Variants in TESK2 observed in about 807,000 individuals in gnomAD.
TESK2 encodes testis associated actin remodelling kinase 2, also known as dual specificity testis-specific protein kinase 2.
In TESK2, 39 loss-of-function variants were observed where a neutral mutation model predicts 57.1. That is an observed-to-expected ratio of 0.68 (90% CI 0.53 to 0.89). The LOEUF (loss-of-function observed/expected upper bound fraction) is 0.89, where lower values mean the gene tolerates loss of function less well. TESK2 is among the 40% of genes least tolerant of loss of function. The pLI is 0.00. For missense variants in TESK2, 646 were observed against 732.1 expected (o/e 0.88, Z 1.36); for synonymous variants, 249 against 267.9 (o/e 0.93, Z 0.69).
At chr1:45,465,705 C>T (rs1412513247) in intron 1 of TESK2, among the ~76,000 whole-genome samples, 3 of 152,040 alleles carry the variant, frequency 2.0e-5, no homozygotes, top group Non-Finnish European at 4.4e-5. Context: ...TACTCTTGCA[C>T]ATAAACACAA....
chr1:45,454,609 T>C (rs1196795312), intron 2 of TESK2, among the ~76,000 whole-genome samples: 1 of 151,950 alleles, frequency 6.6e-6, no homozygotes, highest in Non-Finnish European at 1.5e-5. Context: ...TATTTTACCA[T>C]AATCTTTTCT....
intron 1 of TESK2, among the ~76,000 whole-genome samples, chr1:45,475,060 T>G (rs1254013988): frequency 1.2e-5 from 1 of 86,886 alleles, no homozygotes; most frequent in Non-Finnish European, 2.1e-5. Context: ...CAAGACTCTA[T>G]CTCAAAAAAA....
intron 3 of TESK2, among the ~76,000 whole-genome samples, chr1:45,408,379 T>C (rs1246298447): frequency 6.6e-6 from 1 of 152,158 alleles, no homozygotes. Flanking sequence ...AGAATATTTT[T>C]ATTACCCATA....
At chr1:45,414,718 A>C (rs967432226) in intron 3 of TESK2, among the ~76,000 whole-genome samples, 5 of 152,234 alleles carry the variant, frequency 3.3e-5, no homozygotes, top group Non-Finnish European at 7.3e-5. Flanking sequence ...TATCAAATAC[A>C]GTAGGCACTA....
intron 4 of TESK2, among the ~76,000 whole-genome samples, chr1:45,380,475 C>A (rs1346494006): frequency 3.9e-5 from 6 of 152,148 alleles, no homozygotes; most frequent in Non-Finnish European, 8.8e-5. Context: ...TACAATCTAT[C>A]CAGAGGCATC....
intron 1 of TESK2, among the ~76,000 whole-genome samples, chr1:45,489,525 C>T (rs1436042555): frequency 6.6e-6 from 1 of 152,228 alleles, no homozygotes; most frequent in Non-Finnish European, 1.5e-5. Flanking sequence ...AGCAGTGGCT[C>T]ACGCCTGTAA....
At chr1:45,394,880 G>T (rs1649297539) in intron 3 of TESK2, among the ~76,000 whole-genome samples, 1 of 151,086 alleles carries the variant, frequency 6.6e-6, no homozygotes, top group Non-Finnish European at 1.5e-5. Context: ...TAGAGACGGG[G>T]TGTTTCACCA....
chr1:45,478,434 G>T (rs72686491), intron 1 of TESK2, among the ~76,000 whole-genome samples: 6,202 of 152,224 alleles, frequency 0.041, 199 homozygotes, highest in Non-Finnish European at 0.056. Flanking sequence ...TAAGGGCTTG[G>T]ACTCAAACTT....
At chr1:45,384,605 T>TTTA (rs1648809692) in intron 4 of TESK2, among the ~76,000 whole-genome samples, 1 of 124,014 alleles carries the variant, frequency 8.1e-6, no homozygotes, top group African/African-American at 3.3e-5. Flanking sequence ...TTTTTTTTTT[T>TTTA]TTTTTTTTTT....
intron 3 of TESK2, among the ~76,000 whole-genome samples, chr1:45,392,573 T>C (rs980087410): frequency 6.6e-6 from 1 of 152,046 alleles, no homozygotes; most frequent in Non-Finnish European, 1.5e-5. Context: ...TGGTGGCACA[T>C]GCCTGTAATC....
chr1:45,418,628 G>A (rs1201941927), intron 3 of TESK2, among the ~76,000 whole-genome samples: 1 of 152,178 alleles, frequency 6.6e-6, no homozygotes, highest in Non-Finnish European at 1.5e-5. Context: ...GAGTGAGTGT[G>A]AAGATGAAAT....
intron 3 of TESK2, among the ~76,000 whole-genome samples, chr1:45,389,432 G>A (rs1020378949): frequency 1.3e-5 from 2 of 152,122 alleles, no homozygotes; most frequent in African/African-American, 4.8e-5. Flanking sequence ...TACACAGGAA[G>A]AGAGACCTGA....
chr1:45,477,982 T>C (rs1423719183), intron 1 of TESK2, among the ~76,000 whole-genome samples: 1 of 152,170 alleles, frequency 6.6e-6, no homozygotes, highest in Non-Finnish European at 1.5e-5. Context: ...TCTTCCTAGC[T>C]CCACTCTCAC....
At chr1:45,409,136 G>C (rs1336644276) in intron 3 of TESK2, among the ~76,000 whole-genome samples, 1 of 152,158 alleles carries the variant, frequency 6.6e-6, no homozygotes, top group African/African-American at 2.4e-5. Flanking sequence ...AAATACAGTG[G>C]TGAAAAAGAT....
At chr1:45,414,969 A>G (rs1650178704) in intron 3 of TESK2, 1 of 608,122 alleles carries the variant, frequency 1.6e-6, no homozygotes, top group African/African-American at 1.9e-5. Context: ...TAAAAAAAAG[A>G]TAGGTGCTTT....
intron 5 of TESK2, among the ~76,000 whole-genome samples, chr1:45,352,302 G>A (rs540672311): frequency 2.6e-5 from 4 of 152,340 alleles, no homozygotes; most frequent in African/African-American, 9.6e-5. Context: ...AATATAGGGA[G>A]TTATTTCTCC....
chr1:45,416,072 CTTTTTT>C (rs34785518), intron 3 of TESK2, among the ~76,000 whole-genome samples: 13 of 59,280 alleles, frequency 2.2e-4, no homozygotes, highest in African/African-American at 1.0e-3. Context: ...AATCTAGAGC[CTTTTTT>C]TTTTTTTTTT....
intron 1 of TESK2, among the ~76,000 whole-genome samples, chr1:45,482,980 CAAA>C (rs71052882): frequency 9.9e-5 from 12 of 121,576 alleles, no homozygotes; most frequent in East Asian, 4.6e-4. Context: ...AACTCCAATT[CAAA>C]AAAAAAAAAA....
intron 2 of TESK2, among the ~76,000 whole-genome samples, chr1:45,456,417 G>A (rs959248914): frequency 2.0e-5 from 3 of 151,920 alleles, no homozygotes; most frequent in Non-Finnish European, 4.4e-5. Context: ...TACTAGGGAG[G>A]CTGAGGCAGG....
Sources: allele counts gnomAD v4.1 joint callset (sites outside exome capture counted in the v4.1 genomes callset), GRCh38; gene constraint gnomAD v4.1.1; transcripts MANE v1.5; gene names NCBI Gene and HGNC (gene_info 2026-07-23, HGNC 2026-07-21).